ACTR2: variants seen among roughly 807,000 people sequenced by gnomAD.
ACTR2 encodes actin-related protein 2.
ACTR2 carries 5 observed loss-of-function variants against 50.2 expected under a neutral mutation model. That is an observed-to-expected ratio of 0.10 (90% confidence interval 0.05 to 0.21). The LOEUF (loss-of-function observed/expected upper bound fraction) is 0.21, where lower values mean the gene tolerates loss of function less well. Among genes scored for constraint, ACTR2 ranks in the 10% least tolerant of loss-of-function variants. ACTR2 has a pLI of 1.00. For missense variants in ACTR2, 180 were observed against 480.6 expected (o/e 0.37, Z 5.85); for synonymous variants, 140 against 162.9 (o/e 0.86, Z 1.07).
intron 2 of ACTR2, 144 bp from the exon 3 acceptor site, chr2:65,246,380 A>G (rs1054521097): frequency 1.6e-6 from 1 of 622,492 alleles, no homozygotes; most frequent in African/African-American, 1.9e-5. Context: ...TTTCTAAGAC[A>G]TTGTTCTTGA....
intron 2 of ACTR2, among the ~76,000 whole-genome samples, chr2:65,244,123 G>T (rs1214231684): frequency 6.6e-6 from 1 of 152,098 alleles, no homozygotes; most frequent in Non-Finnish European, 1.5e-5. Context: ...TTTATAGTAT[G>T]TGTGGTCCTA....
intron 8 of ACTR2, among the ~76,000 whole-genome samples, chr2:65,267,930 A>G (rs1460283151): frequency 2.0e-4 from 23 of 113,598 alleles, no homozygotes; most frequent in African/African-American, 1.0e-4. Context: ...TCCACCTCCC[A>G]GGTTTACGTC....
In ACTR2 at chr2:65,246,565, G is replaced by T; in HGVS notation, c.201G>T (p.Met67Ile). Residue 67 changes from methionine (M) to isoleucine (I), a missense_variant, in exon 3 of 9, where the codon ATG (methionine) becomes ATT (isoleucine). Transcript: ENST00000260641. ...VGDEASELRS[M>I]LEVNYPMENG... is the part of the protein sequence containing the mutation. ...ATGAGGCAAGTGAATTACGATCAATGTTAGAAGTTAACTACCCTATGGAAA... is the reference window on the plus strand; with the variant it reads ...ATGAGGCAAGTGAATTACGATCAATTTTAGAAGTTAACTACCCTATGGAAA... 6.2e-7 allele frequency: 1 copy of T among 1,613,178 alleles called. No homozygotes were observed.
At chr2:65,228,695 A>G (rs1363465089) in intron 1 of ACTR2, among the ~76,000 whole-genome samples, 2 of 152,088 alleles carry the variant, frequency 1.3e-5, no homozygotes, top group Non-Finnish European at 2.9e-5. Flanking sequence ...ATTAGTGTTG[A>G]TTATCCCACC....
chr2:65,237,622 A>G (rs1242756099), intron 1 of ACTR2, among the ~76,000 whole-genome samples: 1 of 152,128 alleles, frequency 6.6e-6, no homozygotes, highest in African/African-American at 2.4e-5. Context: ...AGGCTGAGAC[A>G]GGAGGATCAT....
At chr2:65,250,562 A>C (rs1242982499) in intron 3 of ACTR2, among the ~76,000 whole-genome samples, 1 of 148,814 alleles carries the variant, frequency 6.7e-6, no homozygotes, top group African/African-American at 2.5e-5. Flanking sequence ...AGTCCCAGCT[A>C]CTCAGGAGGC....
In ACTR2 at chr2:65,271,224, GAAAAT is replaced by G. The variant is rs968959795; in HGVS notation, c.*2496_*2500del. On this transcript the variant is annotated 3_prime_UTR_variant, in exon 9 of 9. Transcript: ENST00000260641. ...ACATGAAATACTTCATTTTGATTGA[GAAAAT>G]AAAATCAGATTTTTTCAAAGTCAAT... The G allele has an allele frequency of 1.1e-4, 16 of 152,116 alleles. No homozygotes were observed. Among genetic ancestry groups the G allele is most frequent in the African/African-American group, 3.6e-4 (15 of 41,442 alleles). 9.4% of individuals were successfully genotyped at this position (152,116 alleles called of 1,614,324 possible).
chr2:65,267,722 G>A (rs1325155216), intron 8 of ACTR2, among the ~76,000 whole-genome samples: 1 of 151,968 alleles, frequency 6.6e-6, no homozygotes, highest in African/African-American at 2.4e-5. Context: ...ATTTGGCCTT[G>A]TTTATTTTAA....
chr2:65,235,598 T>TA (rs1356842824), intron 1 of ACTR2, among the ~76,000 whole-genome samples: 2 of 151,928 alleles, frequency 1.3e-5, no homozygotes, highest in African/African-American at 4.8e-5. Context: ...CTACTAAAAA[T>TA]ACAAAAATTA....
rs1672052325 is a variant in ACTR2, at chr2:65,251,581, A to G, written c.448+482A>G. 3.3e-5 allele frequency among the ~76,000 whole-genome samples: 5 copies of G among 152,248 alleles called. No homozygotes were observed. In the South Asian group the frequency reaches 1.0e-3, roughly 32 times the overall value. On this transcript the variant is annotated intron_variant, in intron 4 of 8. Coordinates refer to ENST00000260641, the MANE Select transcript of ACTR2 (RefSeq NM_005722.4). ...TCTCCATATTGGTCAGGCTGGTCTC[A>G]AACTCCTGACCTCAGGTAGTCCGCC... is the stretch of plus-strand genomic sequence containing the variant.
chr2:65,229,445 A>G (rs550068134), intron 1 of ACTR2, among the ~76,000 whole-genome samples: 1 of 152,196 alleles, frequency 6.6e-6, no homozygotes, highest in South Asian at 2.1e-4. Context: ...AAAATGGACT[A>G]GAGTAAAAAG....
At chr2:65,245,616 GT>G (rs1460583834) in intron 2 of ACTR2, among the ~76,000 whole-genome samples, 1 of 152,046 alleles carries the variant, frequency 6.6e-6, no homozygotes, top group African/African-American at 2.4e-5. Context: ...TCTGATACTA[GT>G]TTTTTTAATT....
At chr2:65,235,687 A>AGTG (rs1475114026) in intron 1 of ACTR2, among the ~76,000 whole-genome samples, 9 of 152,128 alleles carry the variant, frequency 5.9e-5, no homozygotes. Flanking sequence ...CCCAGGAGGC[A>AGTG]GAGGTTGCAA....
rs770445383 is a variant in ACTR2, at chr2:65,268,557, C to T, written c.1015-7C>T. 1.2e-6 allele frequency: 2 copies of T among 1,609,316 alleles called. No individual in the cohort carries two copies. Among genetic ancestry groups the T allele is most frequent in the Non-Finnish European group, 1.7e-6 (2 of 1,178,396 alleles). On this transcript the variant is annotated splice_polypyrimidine_tract_variant and splice_region_variant and intron_variant, in intron 8 of 8. Coordinates refer to ENST00000260641, the MANE Select transcript of ACTR2 (RefSeq NM_005722.4). Reference sequence around the variant, plus strand: ...TACCATTTCATTATCCTTTCTTTCTCCTTTAGAAATTTAAGATCCGCATTG... The same window carrying T: ...TACCATTTCATTATCCTTTCTTTCTTCTTTAGAAATTTAAGATCCGCATTG...
chr2:65,268,480 G>A, intron 8 of ACTR2, 84 bp from the exon 9 acceptor site: 1 of 1,219,210 alleles, frequency 8.2e-7, no homozygotes, highest in Non-Finnish European at 1.1e-6. Flanking sequence ...GTTTGAGGGA[G>A]AGCATATATT....
Position 65,253,590 on chromosome 2 carries a change from C to G in ACTR2, c.449-138C>G, listed in dbSNP as rs1236369354. 1.2e-5 allele frequency: 10 copies of G among 851,934 alleles called. No homozygotes were observed. The Admixed American group carries it at 2.4e-4, about 20-fold the overall frequency. 52.8% of individuals were successfully genotyped at this position (851,934 alleles called of 1,614,324 possible). ...TTAATACTTATGCATTAGAAACAAA[C>G]TGCAAAATAACTAAATAATAAATTC... is the stretch of plus-strand genomic sequence containing the variant. On this transcript the variant is annotated intron_variant, in intron 4 of 8. Coordinates refer to ENST00000260641, the MANE Select transcript of ACTR2 (RefSeq NM_005722.4).
intron 8 of ACTR2, among the ~76,000 whole-genome samples, chr2:65,266,625 G>A (rs1672376877): frequency 6.6e-6 from 1 of 152,122 alleles, no homozygotes; most frequent in South Asian, 2.1e-4. Flanking sequence ...TAAGTCTGGT[G>A]TGGTGAATAG....
At chr2:65,228,337 C>A in intron 1 of ACTR2, 1 of 209,774 alleles carries the variant, frequency 4.8e-6, no homozygotes, top group East Asian at 1.0e-4. Flanking sequence ...CCAGGGCCAC[C>A]GGTTTGTAAA....
Position 65,228,263 on chromosome 2 carries a change from T to G in ACTR2, c.48+306T>G, listed in dbSNP as rs192993777. The G allele has an allele frequency of 1.2e-5, 4 of 332,728 alleles. No individual in the cohort carries two copies. In the East Asian group the frequency reaches 1.4e-4, roughly 12 times the overall value. The allele number at this position is 332,728 out of a possible 1,614,324, so 20.6% of individuals were successfully genotyped here. A position where few individuals can be genotyped will look rare whatever the true frequency, so the allele number is the denominator to read the frequency against. On this transcript the variant is annotated intron_variant, in intron 1 of 8. Transcript: ENST00000260641. ...CTGCTCCGCGCTAATGCGGGGGCAA[T>G]TGGGCTAAAGCGGACGGAAGCGTAA...
Sources: gnomAD v4.1 joint callset for allele counts (sites outside exome capture counted in the v4.1 genomes callset) on GRCh38, gnomAD v4.1.1 for gene constraint, MANE v1.5 for transcripts, NCBI Gene and HGNC (gene_info 2026-07-23, HGNC 2026-07-21) for gene names.